The following MASP2 variants were observed in gnomAD, a reference collection of about 807,000 sequenced individuals.
MASP2 encodes the protein mannan-binding lectin serine protease 2.
MASP2 carries 49 observed loss-of-function variants against 57.1 expected under a neutral mutation model. The observed-to-expected ratio is 0.86, with a 90% CI of 0.68 to 1.09. The LOEUF (loss-of-function observed/expected upper bound fraction) is 1.09, where lower values mean the gene tolerates loss of function less well. MASP2 is among the 50% of genes least tolerant of loss of function. The pLI is 0.00. For missense variants in MASP2, 900 were observed against 874.8 expected, an observed-to-expected ratio of 1.03 and a Z score of -0.36; for synonymous variants, 379 against 340.8, an observed-to-expected ratio of 1.11 and a Z score of -1.24.
At chr1:11,030,628 G>A in intron 9 of MASP2, 120 bp downstream of exon 9, 2 of 1,101,862 alleles carry the variant, frequency 1.8e-6, no homozygotes, top group Non-Finnish European at 2.5e-6. Flanking sequence ...GCGGATGGGA[G>A]AAGTGGCTTT....
Position 11,027,659 on chromosome 1 carries a change from A to C in MASP2, c.1298-11T>G. The C allele has an allele frequency of 5.7e-6, 9 of 1,588,024 alleles. No individual in the cohort carries two copies. Among genetic ancestry groups the C allele is most frequent in the South Asian group, 1.1e-5 (1 of 87,132 alleles). The stretch of plus-strand genomic sequence containing the variant: ...CTGATAGTCCACAAACTGGAGAAAG[A>C]AGCAGATAGGTAGAGAGCCTTTGTA... On this transcript the variant is annotated splice_polypyrimidine_tract_variant and intron_variant, in intron 10 of 10. Transcript: ENST00000400897.
chr1:11,038,660 C>A (rs774752694), intron 6 of MASP2, among the ~76,000 whole-genome samples: 5 of 152,218 alleles, frequency 3.3e-5, no homozygotes, highest in Non-Finnish European at 7.3e-5. Context: ...CCTGACCCAG[C>A]CTGTGGCCTG....
rs1557669897 is a variant in MASP2 at position 11,034,829 on chromosome 1, G to C, written c.1086C>G (p.Ser362Arg). 1 of 1,610,880 alleles carries C rather than the reference G, an allele frequency of 6.2e-7. No individual in the cohort carries two copies. Among genetic ancestry groups the C allele is most frequent in the Non-Finnish European group, 8.5e-7 (1 of 1,178,490 alleles). The change falls in exon 8 of 11, where the codon AGC becomes AGG. Residue 362 changes from serine (S) to arginine (R), a missense_variant and splice_region_variant. Physicochemically the swap from Ser to Arg is moderately radical, Grantham distance 110. Coordinates refer to ENST00000400897, the MANE Select transcript of MASP2 (RefSeq NM_006610.4). ...GSWDRPMPAC[S>R]IVDCGPPDDL... The stretch of plus-strand genomic sequence containing the variant: ...CCTGTAGTCACCACACGACCGTACT[G>C]CTGCACGCGGGCATTGGCCGGTCCC...
In MASP2 at chr1:11,046,601, T is replaced by A; in HGVS notation, c.367A>T (p.Asn123Tyr). The change falls in exon 3 of 11, where the codon AAC (asparagine) becomes TAC (tyrosine). Residue 123 changes from asparagine (N) to tyrosine (Y), a missense_variant. Asn to Tyr is a moderately radical substitution (Grantham distance 143). Coordinates refer to ENST00000400897, the MANE Select transcript of MASP2 (RefSeq NM_006610.4). ...LDITFRSDYS[N>Y]EKPFTGFEAF... ...TCGAACCCCGTGAACGGCTTCTCGTTGGAGTAGTCGGAGCGGAAGGTAATG... is the reference window on the plus strand; with the variant it reads ...TCGAACCCCGTGAACGGCTTCTCGTAGGAGTAGTCGGAGCGGAAGGTAATG... 1 of 1,613,816 alleles carries A rather than the reference T, an allele frequency of 6.2e-7. No individual in the cohort carries two copies. The highest frequency in any genetic ancestry group is 1.1e-5 in the South Asian group (1 of 91,072).
chr1:11,045,750 C>G, intron 3 of MASP2: 1 of 590,294 alleles, frequency 1.7e-6, no homozygotes, highest in South Asian at 2.2e-5. Flanking sequence ...CAAACATCAC[C>G]TCTGTTAAAC....
chr1:11,033,947 ACACACACACACACACACACT>A (rs1477553165), intron 8 of MASP2, among the ~76,000 whole-genome samples: 5 of 53,192 alleles, frequency 9.4e-5, no homozygotes, highest in African/African-American at 3.4e-4. Context: ...ACACACACAC[ACACACACACACACACACACT>A]CTCTCTCTCT....
chr1:11,032,396 G>A (rs1643860241), intron 8 of MASP2, among the ~76,000 whole-genome samples: 1 of 151,986 alleles, frequency 6.6e-6, no homozygotes, highest in Non-Finnish European at 1.5e-5. Context: ...TGGATCACTT[G>A]AGATTAGGAG....
At chr1:11,030,620 G>T (rs962673441) in intron 9 of MASP2, 128 bp downstream of exon 9, 2 of 1,010,700 alleles carry the variant, frequency 2.0e-6, no homozygotes, top group East Asian at 2.7e-5. Flanking sequence ...TTCACTTAGC[G>T]GATGGGAGAA....
chr1:11,037,959 AG>A, intron 6 of MASP2, 148 bp from the exon 7 acceptor site: 1 of 482,936 alleles, frequency 2.1e-6, no homozygotes, highest in Non-Finnish European at 3.6e-6. Flanking sequence ...TTAAAACCAA[AG>A]GCAAGATTAA....
intron 8 of MASP2, among the ~76,000 whole-genome samples, chr1:11,034,257 A>C (rs1218844335): frequency 1.3e-5 from 2 of 151,844 alleles, no homozygotes; most frequent in East Asian, 1.9e-4. Context: ...AAAAAAAAAA[A>C]AAAAACCTTG....
chr1:11,041,396 A>ATGAG (rs1395296567), intron 6 of MASP2, among the ~76,000 whole-genome samples: 975 of 82,036 alleles, frequency 0.012, 10 homozygotes, highest in African/African-American at 0.035. Context: ...GGATGGATGG[A>ATGAG]TGGATGAGTG....
At chr1:11,039,644 T>C (rs959946040) in intron 6 of MASP2, among the ~76,000 whole-genome samples, 8 of 137,702 alleles carry the variant, frequency 5.8e-5, no homozygotes, top group South Asian at 4.7e-4. Context: ...TATAGGTGGA[T>C]GGGTGGATGG....
intron 8 of MASP2, among the ~76,000 whole-genome samples, chr1:11,033,659 AG>A (rs1318299790): frequency 6.6e-5 from 10 of 151,862 alleles, no homozygotes; most frequent in African/African-American, 2.2e-4. Context: ...AAGAAAAAAA[AG>A]AAAAAAATAT....
At position 11,027,236 on chromosome 1, in the gene MASP2, T is replaced by G. The variant is rs762221857; in HGVS notation, c.1710A>C (p.Ala570=). The G allele has an allele frequency of 5.0e-6, 8 of 1,614,140 alleles. No individual in the cohort carries two copies. In the African/African-American group the frequency reaches 9.3e-5, roughly 19 times the overall value. ...CCCTTTGGGTTAATCCCCATCCAGA[T>G]GCAGTTCCAATGTCATCTGTCCTCA... The part of the protein sequence containing the change: ...SFMRTDDIGT[A]SGWGLTQRGF... The change falls in exon 11 of 11, where the codon GCA becomes GCC. Residue 570 remains alanine, a synonymous_variant. Transcript: ENST00000400897.
Position 11,045,542 on chromosome 1 carries a change from G to T in MASP2, c.413-3C>A. On this transcript the variant is annotated splice_region_variant and splice_polypyrimidine_tract_variant and intron_variant, in intron 3 of 10. Coordinates refer to ENST00000400897, the MANE Select transcript of MASP2 (RefSeq NM_006610.4). ...GGCCACCTGGCACTCGTCAATGTCT[G>T]GGGGAGAGGCAGGGCCAGGCAGGCC... 3 of 1,603,706 alleles carry T rather than the reference G, an allele frequency of 1.9e-6. No homozygotes were observed. The highest frequency in any genetic ancestry group is 1.3e-5 in the African/African-American group (1 of 74,922).
chr1:11,033,645 CAAAAAGAAA>C (rs1006317092), intron 8 of MASP2, among the ~76,000 whole-genome samples: 4 of 146,128 alleles, frequency 2.7e-5, no homozygotes, highest in Non-Finnish European at 6.0e-5. Flanking sequence ...ACTCCGTCTC[CAAAAAGAAA>C]AAAAAGAAAA....
At chr1:11,042,604 C>A (rs931926115) in intron 6 of MASP2, among the ~76,000 whole-genome samples, 24 of 145,920 alleles carry the variant, frequency 1.6e-4, no homozygotes, top group African/African-American at 6.1e-4. Context: ...GATGAGTGGA[C>A]AGAAGGATGG....
chr1:11,027,613 T>C lies in MASP2; in HGVS notation c.1333A>G (p.Ile445Val), dbSNP rs746297294. Residue 445 changes from isoleucine (I) to valine (V), a missense_variant, in exon 11 of 11, where the codon ATA (isoleucine) becomes GTA (valine). Transcript: ENST00000400897. ...GGTTTTGCCTTTTGCCCTCCATATATACGCCCTCCTGTTGTGCGGGCTGAT... is the reference window on the plus strand; with the variant it reads ...GGTTTTGCCTTTTGCCCTCCATATACACGCCCTCCTGTTGTGCGGGCTGAT... ...GLSARTTGGR[I>V]YGGQKAKPGD... is the part of the protein sequence containing the mutation. 2 of 1,613,884 alleles carry C rather than the reference T, an allele frequency of 1.2e-6. No individual in the cohort carries two copies. Among genetic ancestry groups the C allele is most frequent in the Non-Finnish European group, 1.7e-6 (2 of 1,179,838 alleles).
chr1:11,042,736 C>G lies in MASP2; in HGVS notation c.889+139G>C. On this transcript the variant is annotated intron_variant, in intron 6 of 10. Transcript: ENST00000400897. ...GCTTCCCCTTAGAAGACTGCTGCCT[C>G]AGACCTCAGACACCACTAAACCTGG... 3 of 955,366 alleles carry G rather than the reference C, an allele frequency of 3.1e-6. No homozygotes were observed. The East Asian group carries it at 7.4e-5, about 24-fold the overall frequency. The allele number at this position is 955,366 out of a possible 1,614,324, so 59.2% of individuals were successfully genotyped here.
Sources: gnomAD v4.1 joint callset for allele counts (sites outside exome capture counted in the v4.1 genomes callset) on GRCh38, gnomAD v4.1.1 for gene constraint, MANE v1.5 for transcripts, NCBI Gene and HGNC (gene_info 2026-07-23, HGNC 2026-07-21) for gene names.